The following CPNE2 variants were observed in gnomAD, a reference collection of about 807,000 sequenced individuals.
CPNE2 encodes copine-2.
In CPNE2, 42 loss-of-function variants were observed where a neutral mutation model predicts 69.7. The ratio of observed to expected loss-of-function variants is 0.60; its 90% CI spans 0.47 to 0.78. CPNE2 has a LOEUF of 0.78. Among genes scored for constraint, CPNE2 ranks in the 30% least tolerant of loss-of-function variants. The pLI is 0.00. For missense variants in CPNE2, 587 were observed against 732.0 expected, an observed-to-expected ratio of 0.80 and a Z score of 2.29; for synonymous variants, 294 against 289.8, an observed-to-expected ratio of 1.01 and a Z score of -0.15.
chr16:57,134,094 G>A (rs574729886), intron 12 of CPNE2, among the ~76,000 whole-genome samples: 19 of 152,240 alleles, frequency 1.2e-4, no homozygotes, highest in Non-Finnish European at 2.6e-4. Flanking sequence ...GCGAGCAGCA[G>A]CAGCCGGATG....
rs1216095068 is a variant in CPNE2 at position 57,110,732 on chromosome 16, C to T, written c.-11C>T. 4 of 1,595,380 alleles carry T rather than the reference C, an allele frequency of 2.5e-6. No individual in the cohort carries two copies. Among genetic ancestry groups the T allele is most frequent in the Non-Finnish European group, 3.4e-6 (4 of 1,170,214 alleles). ...GACTGCCAGGAACTCCTGCCACCGC[C>T]ACCGGCTCCCATGGCCCACATACCC... is the stretch of plus-strand genomic sequence containing the variant. On this transcript the variant is annotated 5_prime_UTR_variant, in exon 2 of 16. Transcript: ENST00000290776.
At chr16:57,123,549 G>A (rs2069778874) in intron 10 of CPNE2, 76 bp downstream of exon 10, 2 of 1,470,046 alleles carry the variant, frequency 1.4e-6, no homozygotes, top group African/African-American at 1.4e-5. Context: ...GGCCACTAGT[G>A]CAGCCAGAGG....
Position 57,100,891 on chromosome 16 carries a change from T to A in CPNE2, c.-36+8101T>A, listed in dbSNP as rs551369873. On this transcript the variant is annotated intron_variant, in intron 1 of 15. Transcript: ENST00000290776. ...CTCCTGCCCTAACACCCTGTTTTCCTGCCCCATGACAGATCTCCTAGGAAC... is the reference window on the plus strand; with the variant it reads ...CTCCTGCCCTAACACCCTGTTTTCCAGCCCCATGACAGATCTCCTAGGAAC... Among the ~76,000 whole-genome samples the A allele has an allele frequency of 5.9e-5, 9 of 152,330 alleles. 1 individual carries two copies. Among genetic ancestry groups the A allele is most frequent in the African/African-American group, 2.2e-4 (9 of 41,584 alleles).
chr16:57,128,964 T>C (rs1405774571), intron 12 of CPNE2: 2 of 152,306 alleles, frequency 1.3e-5, no homozygotes, highest in Admixed American at 6.5e-5. Flanking sequence ...CGTAGGCCTG[T>C]GGGGAGCCGA....
intron 11 of CPNE2, among the ~76,000 whole-genome samples, chr16:57,127,216 T>C (rs1245711138): frequency 2.6e-5 from 4 of 152,074 alleles, no homozygotes; most frequent in Non-Finnish European, 5.9e-5. Context: ...GCCATTTTGA[T>C]TGGGCCTTAG....
intron 1 of CPNE2, among the ~76,000 whole-genome samples, chr16:57,099,804 AG>A (rs2069602050): frequency 4.0e-5 from 3 of 74,580 alleles, no homozygotes; most frequent in East Asian, 7.2e-4. Context: ...TTTGAGACGG[AG>A]TTTTGCTGTT....
chr16:57,119,888 A>G lies in CPNE2; in HGVS notation c.681+238A>G, dbSNP rs1307598103. Among the ~76,000 whole-genome samples, 3 of 152,184 alleles carry G rather than the reference A, an allele frequency of 2.0e-5. No individual in the cohort carries two copies. In the East Asian group the frequency reaches 5.8e-4, roughly 29 times the overall value. ...TCTCTAAAACTCTCTTGCCCTCCCC[A>G]GAGGGCTGCAGAGCTGCTAGCTAGG... On this transcript the variant is annotated intron_variant, in intron 7 of 15. Coordinates refer to ENST00000290776, the MANE Select transcript of CPNE2 (RefSeq NM_152727.6).
At chr16:57,142,757 G>C (rs2069932027) in intron 14 of CPNE2, 1 of 152,212 alleles carries the variant, frequency 6.6e-6, no homozygotes, top group Non-Finnish European at 1.5e-5. Context: ...CGCTCCCCTC[G>C]CAGGGTCCTC....
chr16:57,115,232 G>A (rs1377726358), intron 3 of CPNE2, among the ~76,000 whole-genome samples: 1 of 152,180 alleles, frequency 6.6e-6, no homozygotes, highest in African/African-American at 2.4e-5. Context: ...ACCAGGCAGT[G>A]GGAGTCCAAC....
rs1202478926 is a variant in CPNE2 at position 57,121,779 on chromosome 16, G to A, written c.867+19G>A. The A allele has an allele frequency of 1.2e-6, 2 of 1,612,282 alleles. No individual in the cohort carries two copies. The highest frequency in any genetic ancestry group is 2.7e-5 in the African/African-American group (2 of 75,012). Reference sequence around the variant, plus strand: ...CTGCAAGGTGAACCAGCGTGGGCAAGCACGAGCCAGGGGCCAGGTTTCAGG... The same window carrying A: ...CTGCAAGGTGAACCAGCGTGGGCAAACACGAGCCAGGGGCCAGGTTTCAGG... On this transcript the variant is annotated intron_variant, in intron 9 of 15. Coordinates refer to ENST00000290776, the MANE Select transcript of CPNE2 (RefSeq NM_152727.6).
In CPNE2 at chr16:57,127,916, G is replaced by A. The variant is rs62037313; in HGVS notation, c.1116+13G>A. ...CCCAGACTGGAAGGTGAGTGAAACCGGAGTTAGTTTCCTTTTGGTTGAGAT... is the reference window on the plus strand; with the variant it reads ...CCCAGACTGGAAGGTGAGTGAAACCAGAGTTAGTTTCCTTTTGGTTGAGAT... On this transcript the variant is annotated intron_variant, in intron 12 of 15. Coordinates refer to ENST00000290776, the MANE Select transcript of CPNE2 (RefSeq NM_152727.6). The A allele has an allele frequency of 0.027, 44,078 of 1,613,686 alleles. 760 individuals carry two copies. Among genetic ancestry groups the A allele is most frequent in the Non-Finnish European group, 0.032 (38,266 of 1,179,572 alleles).
intron 2 of CPNE2, 39 bp from the exon 3 acceptor site, chr16:57,113,249 G>A: frequency 6.2e-7 from 1 of 1,600,206 alleles, no homozygotes; most frequent in Middle Eastern, 1.7e-4. Flanking sequence ...TGGACCAGCT[G>A]CCTTGACTCT....
At chr16:57,102,627 G>T (rs1484605023) in intron 1 of CPNE2, among the ~76,000 whole-genome samples, 1 of 150,714 alleles carries the variant, frequency 6.6e-6, no homozygotes, top group South Asian at 2.1e-4. Flanking sequence ...TTTGAGAGAG[G>T]GTCTCCCTGT....
chr16:57,101,849 G>C (rs747585060), intron 1 of CPNE2, among the ~76,000 whole-genome samples: 1 of 152,132 alleles, frequency 6.6e-6, no homozygotes, highest in Admixed American at 6.5e-5. Flanking sequence ...GCCCACATCA[G>C]AACCACCAGC....
chr16:57,114,934 C>CCAAAAAAAAAAAAA (rs1555546226), intron 3 of CPNE2, among the ~76,000 whole-genome samples: 1 of 39,050 alleles, frequency 2.6e-5, no homozygotes. Context: ...TTGTCTCTAC[C>CCAAAAAAAAAAAAA]AAAAAAAAAA....
Position 57,119,214 on chromosome 16 carries a change from A to T in CPNE2, c.527A>T (p.Asp176Val). 1 of 1,613,888 alleles carries T rather than the reference A, an allele frequency of 6.2e-7. No individual in the cohort carries two copies. ...LDKKDLFGKSDPFLEFYKPGD... is the reference protein window; with the variant it reads ...LDKKDLFGKSVPFLEFYKPGD... ...TCCCAGGACCTCTTTGGGAAGTCAGACCCCTTTCTGGAGTTTTATAAGCCA... is the reference window on the plus strand; with the variant it reads ...TCCCAGGACCTCTTTGGGAAGTCAGTCCCCTTTCTGGAGTTTTATAAGCCA... Residue 176 changes from aspartate to valine, a missense_variant, in exon 6 of 16, where the codon GAC becomes GTC. This residue lies in a region of CPNE2 where 269 missense variants were observed against 300.5 expected (regional missense o/e 0.90). Transcript: ENST00000290776.
At chr16:57,145,808 A>G in intron 14 of CPNE2, 1 of 474,542 alleles carries the variant, frequency 2.1e-6, no homozygotes. Flanking sequence ...CAGGGCTCTC[A>G]GAGGCCCCAA....
chr16:57,093,386 G>C (rs2069557083), intron 1 of CPNE2, among the ~76,000 whole-genome samples: 2 of 152,142 alleles, frequency 1.3e-5, no homozygotes, highest in Admixed American at 1.3e-4. Flanking sequence ...GTGTTTAAAG[G>C]GGGTGTGGGG....
chr16:57,118,541 G>T (rs1479419676), intron 5 of CPNE2, among the ~76,000 whole-genome samples: 7 of 151,956 alleles, frequency 4.6e-5, no homozygotes, highest in African/African-American at 1.7e-4. Flanking sequence ...CAGTTGCCAG[G>T]TGCAGCGGCT....
Sources: gnomAD v4.1 joint callset for allele counts (sites outside exome capture counted in the v4.1 genomes callset) on GRCh38, gnomAD v4.1.1 for gene constraint, gnomAD v4.1.1 regional missense constraint, MANE v1.5 for transcripts, NCBI Gene and HGNC (gene_info 2026-07-23, HGNC 2026-07-21) for gene names.